The following BRCA2 variants were observed in gnomAD, a reference collection of about 807,000 sequenced individuals.
The protein encoded by BRCA2 is BRCA2 DNA repair associated, also known as breast cancer type 2 susceptibility protein.
Under a neutral mutation model 276.7 loss-of-function variants are expected in BRCA2, and 203 were observed. The observed-to-expected ratio is 0.73, with a 90% confidence interval of 0.65 to 0.82. BRCA2 has a LOEUF of 0.82. Ranked by LOEUF, BRCA2 falls within the 40% of genes least tolerant of loss-of-function variation. The pLI is 0.00. For synonymous variants in BRCA2, 1,289 were observed against 1,338.4 expected (o/e 0.96, Z 0.81); for missense variants, 3,920 against 3,915.0 (o/e 1.00, Z -0.03).
chr13:32,345,372 A>G (rs2072604279), intron 12 of BRCA2, among the ~76,000 whole-genome samples: 4 of 152,094 alleles, frequency 2.6e-5, no homozygotes, highest in African/African-American at 7.2e-5. Flanking sequence ...AAGGACATAC[A>G]TAACATTTTA....
rs756951335 is a variant in BRCA2 at position 32,337,026 on chromosome 13, G to C, written c.2671G>C (p.Val891Leu). The C allele has an allele frequency of 6.3e-7, 1 of 1,592,436 alleles. No homozygotes were observed. Among genetic ancestry groups the C allele is most frequent in the East Asian group, 2.2e-5 (1 of 44,702 alleles). ...TTTCTCAGACAATGAGAATAATTTT[G>C]TCTTCCAAGTAGCTAATGAAAGGAA... The part of the protein sequence containing the change: ...ELFSDNENNF[V>L]FQVANERNNL... The change falls in exon 11 of 27, where the codon GTC becomes CTC. Residue 891 changes from valine (V) to leucine (L), a missense_variant. By Grantham distance (32) the Val-to-Leu change is conservative (BLOSUM62 1). Transcript: ENST00000380152.
At chr13:32,378,525 A>G (rs1297549486) in intron 21 of BRCA2, among the ~76,000 whole-genome samples, 1 of 152,202 alleles carries the variant, frequency 6.6e-6, no homozygotes, top group African/African-American at 2.4e-5. Context: ...GAATCTCTAT[A>G]CCTATATTAA....
Position 32,398,857 on chromosome 13 carries a change from C to A in BRCA2, c.*87C>A, listed in dbSNP as rs2137668770. 1 of 1,485,410 alleles carries A rather than the reference C, an allele frequency of 6.7e-7. No individual in the cohort carries two copies. The highest frequency in any genetic ancestry group is 9.1e-7 in the Non-Finnish European group (1 of 1,101,456). The allele number at this position is 1,485,410 out of a possible 1,614,324, so 92.0% of individuals were successfully genotyped here. On this transcript the variant is annotated 3_prime_UTR_variant, in exon 27 of 27. Transcript: ENST00000380152. ...TATAATTTCAAACCACACATTAGTA[C>A]TTATGTTGCACAATGAGAAAAGAAA... is the stretch of plus-strand genomic sequence containing the variant.
rs144984153 is a variant in BRCA2 at position 32,336,563 on chromosome 13, A to G, written c.2208A>G (p.Ala736=). ...ATATAAAAGAAGAGGTCTTGGCTGC[A>G]GCATGTCACCCAGTACAACATTCAA... ...VSDIKEEVLA[A]ACHPVQHSKV... The change falls in exon 11 of 27, where the codon GCA becomes GCG. Residue 736 remains alanine, a synonymous_variant. Transcript: ENST00000380152. The G allele has an allele frequency of 3.7e-5, 60 of 1,614,142 alleles. No homozygotes were observed. In the African/African-American group the frequency reaches 7.3e-4, roughly 20 times the overall value.
chr13:32,352,214 AT>A (rs549532857), intron 13 of BRCA2, among the ~76,000 whole-genome samples: 204 of 150,932 alleles, frequency 1.4e-3, no homozygotes, highest in African/African-American at 4.8e-3. Flanking sequence ...AAGCCAGGTG[AT>A]TTTTTTTTCA....
At position 32,339,778 on chromosome 13, in the gene BRCA2, T is replaced by C. The variant is rs397507350; in HGVS notation, c.5423T>C (p.Ile1808Thr). Residue 1808 changes from isoleucine to threonine, a missense_variant, in exon 11 of 27, where the codon ATT becomes ACT. Transcript: ENST00000380152. The stretch of plus-strand genomic sequence containing the variant: ...TACCCACAAACTGTAAATGAAGATA[T>C]TTGCGTTGAGGAACTTGTGACTAGC... ...NAYPQTVNED[I>T]CVEELVTSSS... 7.4e-6 allele frequency: 12 copies of C among 1,613,792 alleles called. No individual in the cohort carries two copies. Among genetic ancestry groups the C allele is most frequent in the South Asian group, 2.2e-5 (2 of 91,072 alleles).
At chr13:32,324,876 G>C (rs1325434141) in intron 3 of BRCA2, among the ~76,000 whole-genome samples, 200 bp from the exon 4 acceptor site, 1 of 152,112 alleles carries the variant, frequency 6.6e-6, no homozygotes, top group East Asian at 1.9e-4. Flanking sequence ...CAGCCTCCCA[G>C]AGCCCTCAAA....
At position 32,400,014 on chromosome 13, in the gene BRCA2, G is replaced by A. The variant is rs2073071528; in HGVS notation, c.*1244G>A. On this transcript the variant is annotated 3_prime_UTR_variant, in exon 27 of 27. Coordinates refer to ENST00000380152, the MANE Select transcript of BRCA2 (RefSeq NM_000059.4). Reference sequence around the variant, plus strand: ...TTGGCCAAGCTGGTCTCAAACTCCTGATGTCAGGTGATCCATCTGCCTCAG... The same window carrying A: ...TTGGCCAAGCTGGTCTCAAACTCCTAATGTCAGGTGATCCATCTGCCTCAG... 6.6e-6 allele frequency: 1 copy of A among 152,224 alleles called. No homozygotes were observed. Among genetic ancestry groups the A allele is most frequent in the South Asian group, 2.1e-4 (1 of 4,838 alleles). The allele number at this position is 152,224 out of a possible 1,614,324, so 9.4% of individuals were successfully genotyped here. A position where few individuals can be genotyped will look rare whatever the true frequency, so the allele number is the denominator to read the frequency against.
At chr13:32,375,725 T>C (rs1436233469) in intron 20 of BRCA2, among the ~76,000 whole-genome samples, 1 of 152,086 alleles carries the variant, frequency 6.6e-6, no homozygotes, top group Non-Finnish European at 1.5e-5. Flanking sequence ...CACGCCCGGC[T>C]AATTTTGTAT....
chr13:32,389,000 C>T (rs2072980047), intron 24 of BRCA2, among the ~76,000 whole-genome samples: 1 of 152,062 alleles, frequency 6.6e-6, no homozygotes, highest in East Asian at 1.9e-4. Context: ...TCTTGCCTTC[C>T]TGAAGGTTAC....
Position 32,332,344 on chromosome 13 carries a change from A to G in BRCA2, c.866A>G (p.Asn289Ser), listed in dbSNP as rs1593891336. The change falls in exon 10 of 27, where the codon AAT (asparagine) becomes AGT (serine). Residue 289 changes from asparagine (N) to serine (S), a missense_variant. Physicochemically the swap from Asn to Ser is conservative, Grantham distance 46. This residue lies in a region of BRCA2 where 3,263 missense variants were observed against 3,156.9 expected (regional missense o/e 1.03). Transcript: ENST00000380152. ...GACCACATTGGAAAGTCAATGCCAAATGTCCTAGAAGATGAAGTATATGAA... is the reference window on the plus strand; with the variant it reads ...GACCACATTGGAAAGTCAATGCCAAGTGTCCTAGAAGATGAAGTATATGAA... ...CKDHIGKSMP[N>S]VLEDEVYETV... 1 of 1,598,510 alleles carries G rather than the reference A, an allele frequency of 6.3e-7. No homozygotes were observed.
chr13:32,396,947 T>C lies in BRCA2; in HGVS notation c.9551T>C (p.Leu3184Pro), dbSNP rs863224601. The stretch of plus-strand genomic sequence containing the variant: ...GCAGAAAACAAGCTTATGCATATAC[T>C]GCATGCAAATGATCCCAAGTGGTCC... Reference protein sequence around the residue: ...NEAENKLMHILHANDPKWSTP... With the variant: ...NEAENKLMHIPHANDPKWSTP... Residue 3184 changes from leucine (L) to proline (P), a missense_variant, in exon 26 of 27, where the codon CTG (leucine) becomes CCG (proline). Transcript: ENST00000380152. 1 of 1,613,992 alleles carries C rather than the reference T, an allele frequency of 6.2e-7. No individual in the cohort carries two copies. Among genetic ancestry groups the C allele is most frequent in the Admixed American group, 1.7e-5 (1 of 60,008 alleles).
At position 32,394,734 on chromosome 13, in the gene BRCA2, T is replaced by A. The variant is rs28897758; in HGVS notation, c.9302T>A (p.Leu3101Gln). 6.2e-7 allele frequency: 1 copy of A among 1,613,910 alleles called. No individual in the cohort carries two copies. Among genetic ancestry groups the A allele is most frequent in the Non-Finnish European group, 8.5e-7 (1 of 1,179,936 alleles). ...TTGTCAGACGAATGTTACAATTTAC[T>A]GGCAATAAAGTTTTGGATAGACCTT... ...VYLSDECYNL[L>Q]AIKFWIDLNE... is the part of the protein sequence containing the mutation. The change falls in exon 25 of 27, where the codon CTG becomes CAG. Residue 3101 changes from leucine (L) to glutamine (Q), a missense_variant. Leu to Gln is a moderately radical substitution (Grantham distance 113). Around this residue, in one of 2 missense-constraint regions of BRCA2, gnomAD observed 657 missense variants for 758.2 expected, o/e 0.87. Coordinates refer to ENST00000380152, the MANE Select transcript of BRCA2 (RefSeq NM_000059.4).
chr13:32,381,358 A>G (rs1344519263), intron 24 of BRCA2, among the ~76,000 whole-genome samples: 8 of 152,198 alleles, frequency 5.3e-5, no homozygotes, highest in Non-Finnish European at 1.2e-4. Flanking sequence ...GTGCTCAGAA[A>G]AAAAATTAAG....
At chr13:32,322,750 T>G (rs142581352) in intron 3 of BRCA2, among the ~76,000 whole-genome samples, 1 of 152,382 alleles carries the variant, frequency 6.6e-6, no homozygotes, top group African/African-American at 2.4e-5. Flanking sequence ...TTCTTCCATG[T>G]CTTTTAATGA....
intron 19 of BRCA2, among the ~76,000 whole-genome samples, 186 bp downstream of exon 19, chr13:32,370,743 GCC>G (rs2072825810): frequency 6.6e-6 from 1 of 152,128 alleles, no homozygotes; most frequent in South Asian, 2.1e-4. Flanking sequence ...AAGTAGCTGA[GCC>G]ACCACACCTG....
intron 26 of BRCA2, 30 bp from the exon 27 acceptor site, chr13:32,398,132 T>C (rs1285133333): frequency 6.3e-7 from 1 of 1,586,518 alleles, no homozygotes. Context: ...TACATAATTA[T>C]GATAGGCTAC....
At chr13:32,380,940 T>C (rs2072920969) in intron 24 of BRCA2, among the ~76,000 whole-genome samples, 1 of 152,228 alleles carries the variant, frequency 6.6e-6, no homozygotes, top group South Asian at 2.1e-4. Context: ...TGTTGAGTTT[T>C]GTTTTCTTAG....
At chr13:32,369,526 CGTT>C (rs2072812778) in intron 18 of BRCA2, among the ~76,000 whole-genome samples, 1 of 152,078 alleles carries the variant, frequency 6.6e-6, no homozygotes, top group South Asian at 2.1e-4. Flanking sequence ...TTAGTTTTAT[CGTT>C]GTCTGTAAAA....
Sources: gnomAD v4.1 joint callset for allele counts (sites outside exome capture counted in the v4.1 genomes callset) on GRCh38, gnomAD v4.1.1 for gene constraint, gnomAD v4.1.1 regional missense constraint, MANE v1.5 for transcripts, NCBI Gene and HGNC (gene_info 2026-07-23, HGNC 2026-07-21) for gene names.